The following HSD17B12 variants were observed in gnomAD, a reference collection of about 807,000 sequenced individuals.
HSD17B12 encodes hydroxysteroid 17-beta dehydrogenase 12, also known as very-long-chain 3-oxoacyl-CoA reductase.
A neutral mutation model predicts 39.3 loss-of-function variants in HSD17B12; 32 were observed. The ratio of observed to expected loss-of-function variants is 0.81; its 90% confidence interval spans 0.61 to 1.09. HSD17B12 has a LOEUF of 1.09. HSD17B12 is among the 50% of genes least tolerant of loss of function. HSD17B12 has a pLI of 0.00. For synonymous variants in HSD17B12, 150 were observed against 146.7 expected (o/e 1.02, Z -0.16); for missense variants, 342 against 382.9 (o/e 0.89, Z 0.89).
chr11:43,762,093 A>C (rs1284274654), intron 3 of HSD17B12, among the ~76,000 whole-genome samples: 1 of 152,214 alleles, frequency 6.6e-6, no homozygotes, highest in East Asian at 1.9e-4. Context: ...TGGGATCAGT[A>C]GGAAAAACAT....
intron 4 of HSD17B12, among the ~76,000 whole-genome samples, chr11:43,799,471 G>T (rs1950945423): frequency 1.3e-5 from 2 of 151,808 alleles, no homozygotes; most frequent in Admixed American, 1.3e-4. Context: ...TCAGAATATT[G>T]AACTTTGTTA....
chr11:43,733,969 G>C, intron 1 of HSD17B12: 1 of 709,718 alleles, frequency 1.4e-6, no homozygotes, highest in Non-Finnish European at 2.6e-6. Flanking sequence ...TGCTGTTCTC[G>C]ACCACGTAAT....
chr11:43,647,653 A>T, the HSD17B12 span, among the ~76,000 whole-genome samples: 1 of 152,202 alleles, frequency 6.6e-6, no homozygotes, highest in African/African-American at 2.4e-5. Flanking sequence ...AAAATCACCC[A>T]TTCCGAATTT....
At chr11:43,607,724 T>G in the HSD17B12 span, among the ~76,000 whole-genome samples, 6 of 152,264 alleles carry the variant, frequency 3.9e-5, no homozygotes, top group Admixed American at 3.9e-4. Context: ...ACATACTTTC[T>G]CAATGACTTT....
intron 4 of HSD17B12, among the ~76,000 whole-genome samples, chr11:43,799,857 C>T (rs7113410): frequency 0.027 from 4,154 of 152,202 alleles, 195 homozygotes; most frequent in African/African-American, 0.093. Flanking sequence ...ACTGTTGCAC[C>T]TGGCTTTCAC....
Position 43,831,713 on chromosome 11 carries a change from C to T in HSD17B12, c.536+703C>T, listed in dbSNP as rs1205672702. 2 of 152,170 alleles carry T rather than the reference C, an allele frequency of 1.3e-5. No homozygotes were observed. The highest frequency in any genetic ancestry group is 2.1e-4 in the South Asian group (1 of 4,826). The allele number at this position is 152,170 out of a possible 1,614,324, so 9.4% of individuals were successfully genotyped here. A position where few individuals can be genotyped will look rare whatever the true frequency, so the allele number is the denominator to read the frequency against. On this transcript the variant is annotated intron_variant, in intron 7 of 10. Transcript: ENST00000278353. The surrounding 1 kb of genome is among the most constrained non-coding windows in gnomAD (Gnocchi z 4.1). ...TTTGGGCTTGCATCCTGAGCTAGCT[C>T]GATCATTTGCTGAATTTAGGGCATC...
At chr11:43,732,870 C>T (rs1039238027) in intron 1 of HSD17B12, among the ~76,000 whole-genome samples, 4 of 152,282 alleles carry the variant, frequency 2.6e-5, no homozygotes, top group Admixed American at 6.5e-5. Context: ...CCTCCTGGCT[C>T]AGGCAATCGT....
At chr11:43,778,716 C>G (rs1285434989) in intron 3 of HSD17B12, among the ~76,000 whole-genome samples, 1 of 151,506 alleles carries the variant, frequency 6.6e-6, no homozygotes, top group Non-Finnish European at 1.5e-5. Context: ...AGCATATAAA[C>G]AGAACCAAAG....
chr11:43,774,306 C>A (rs1950677918), intron 3 of HSD17B12, among the ~76,000 whole-genome samples: 1 of 152,036 alleles, frequency 6.6e-6, no homozygotes, highest in African/African-American at 2.4e-5. Context: ...CTCTGCCTCC[C>A]AGGTTCAAGC....
At chr11:43,713,453 T>G (rs2134841911) in intron 1 of HSD17B12, among the ~76,000 whole-genome samples, 2 of 152,220 alleles carry the variant, frequency 1.3e-5, no homozygotes, top group Admixed American at 1.3e-4. Context: ...ACAAAGGACA[T>G]GAACTCATCC....
At chr11:43,590,959 G>T in the HSD17B12 span, among the ~76,000 whole-genome samples, 1 of 151,736 alleles carries the variant, frequency 6.6e-6, no homozygotes, top group Non-Finnish European at 1.5e-5. Context: ...GCTAATTAAG[G>T]GTCAGTAGCT....
upstream of HSD17B12, among the ~76,000 whole-genome samples, chr11:43,678,551 G>A (rs1033779220): frequency 6.6e-6 from 1 of 152,168 alleles, no homozygotes; most frequent in Admixed American, 6.5e-5. Flanking sequence ...TTCTTCTAGG[G>A]TTTTTTATAG....
the HSD17B12 span, among the ~76,000 whole-genome samples, chr11:43,656,496 G>T: frequency 6.6e-6 from 1 of 152,002 alleles, no homozygotes; most frequent in Admixed American, 6.6e-5. Context: ...TGATGTTAGG[G>T]TGTCAATTTT....
chr11:43,838,611 T>A (rs1951394141), intron 8 of HSD17B12, among the ~76,000 whole-genome samples: 1 of 150,860 alleles, frequency 6.6e-6, no homozygotes, highest in African/African-American at 2.4e-5. Context: ...AACTTACAAA[T>A]GGGACACCAG....
chr11:43,794,393 T>C lies in HSD17B12; in HGVS notation c.284-3927T>C, dbSNP rs1201272409. ...GTCATTCTTTAATTGAAATGTTTAA[T>C]GTAATCCCAATCAAAACTGAGACTA... On this transcript the variant is annotated intron_variant, in intron 3 of 10. Transcript: ENST00000278353. Among the ~76,000 whole-genome samples the C allele has an allele frequency of 4.6e-5, 7 of 152,190 alleles. No homozygotes were observed. In the East Asian group the frequency reaches 9.6e-4, roughly 21 times the overall value.
At chr11:43,769,672 A>G (rs973961678) in intron 3 of HSD17B12, among the ~76,000 whole-genome samples, 1 of 152,154 alleles carries the variant, frequency 6.6e-6, no homozygotes, top group African/African-American at 2.4e-5. Context: ...TTTGACTTCT[A>G]TTTCTGAAGT....
intron 1 of HSD17B12, among the ~76,000 whole-genome samples, chr11:43,696,010 G>A (rs934929356): frequency 3.3e-5 from 5 of 151,878 alleles, no homozygotes; most frequent in South Asian, 2.1e-4. Flanking sequence ...TCCACCCTCC[G>A]AAAGGCCCAT....
At chr11:43,612,258 A>G in the HSD17B12 span, among the ~76,000 whole-genome samples, 4 of 152,196 alleles carry the variant, frequency 2.6e-5, no homozygotes, top group Non-Finnish European at 5.9e-5. Flanking sequence ...CTGTTTTTAT[A>G]ATTATGAGCC....
intron 1 of HSD17B12, among the ~76,000 whole-genome samples, chr11:43,706,689 G>GGT (rs147962977): frequency 0.025 from 3,462 of 137,870 alleles, 88 homozygotes; most frequent in East Asian, 0.089. Context: ...TGAATGAAGG[G>GGT]GTGTGTGTGT....
Sources: gnomAD v4.1 joint callset for allele counts (sites outside exome capture counted in the v4.1 genomes callset) on GRCh38, gnomAD v4.1.1 for gene constraint, Gnocchi (gnomAD v3.1) non-coding constraint, MANE v1.5 for transcripts, NCBI Gene and HGNC (gene_info 2026-07-23, HGNC 2026-07-21) for gene names.